PRKN: variants seen among roughly 807,000 people sequenced by gnomAD.
PRKN encodes E3 ubiquitin-protein ligase parkin.
In PRKN, 56 loss-of-function variants were observed where a neutral mutation model predicts 59.5. The observed-to-expected ratio is 0.94, with a 90% CI of 0.76 to 1.18. The LOEUF (loss-of-function observed/expected upper bound fraction) is 1.18, where lower values mean the gene tolerates loss of function less well. PRKN is among the 50% of genes most tolerant of loss of function. The pLI is 0.00. For synonymous variants in PRKN, 250 were observed against 222.1 expected (o/e 1.13, Z -1.12); for missense variants, 657 against 596.4 (o/e 1.10, Z -1.06).
chr6:162,603,733 T>C (rs1047392467), intron 1 of PRKN, among the ~76,000 whole-genome samples: 2 of 152,198 alleles, frequency 1.3e-5, no homozygotes, highest in African/African-American at 2.4e-5. Context: ...CTGAGATGTA[T>C]AAAATTCATG....
intron 9 of PRKN, among the ~76,000 whole-genome samples, chr6:161,434,433 C>T (rs1168692560): frequency 1.3e-5 from 2 of 152,138 alleles, no homozygotes; most frequent in Non-Finnish European, 2.9e-5. Context: ...TAAGTTTCTG[C>T]TTTGCACCCA....
At position 161,561,395 on chromosome 6, in the gene PRKN, G is replaced by A. The variant is rs1027158256; in HGVS notation, c.933+7960C>T. Among the ~76,000 whole-genome samples the A allele has an allele frequency of 1.3e-5, 2 of 152,162 alleles. No individual in the cohort carries two copies. The highest frequency in any genetic ancestry group is 2.9e-5 in the Non-Finnish European group (2 of 68,028). On this transcript the variant is annotated intron_variant, in intron 8 of 11. Coordinates refer to ENST00000366898, the MANE Select transcript of PRKN (RefSeq NM_004562.3). The surrounding 1 kb of genome is among the most constrained non-coding windows in gnomAD (Gnocchi z 5.0). Reference sequence around the variant, plus strand: ...CATCCATACTTTATATTTCACTGAGGAGAGAGGAATCATGGCTGATGTCCT... The same window carrying A: ...CATCCATACTTTATATTTCACTGAGAAGAGAGGAATCATGGCTGATGTCCT...
intron 1 of PRKN, among the ~76,000 whole-genome samples, chr6:162,624,114 G>A (rs963005232): frequency 1.3e-5 from 2 of 151,982 alleles, no homozygotes; most frequent in African/African-American, 4.8e-5. Context: ...TGGGCATGGT[G>A]CCGCATCCCT....
At chr6:162,588,530 C>T (rs1781163067) in intron 1 of PRKN, among the ~76,000 whole-genome samples, 1 of 152,076 alleles carries the variant, frequency 6.6e-6, no homozygotes, top group Non-Finnish European at 1.5e-5. Context: ...TGCGGTCCTG[C>T]TTTGCTTTAT....
chr6:162,124,030 G>A (rs375765671), intron 4 of PRKN, among the ~76,000 whole-genome samples: 14 of 152,054 alleles, frequency 9.2e-5, no homozygotes, highest in East Asian at 7.7e-4. Flanking sequence ...CACACAACCC[G>A]AGCAACAATT....
intron 2 of PRKN, among the ~76,000 whole-genome samples, chr6:162,418,223 ACATT>A (rs1788746210): frequency 6.6e-6 from 1 of 152,196 alleles, no homozygotes; most frequent in African/African-American, 2.4e-5. Context: ...AAACTTGAAA[ACATT>A]GTACTAAGTG....
intron 4 of PRKN, among the ~76,000 whole-genome samples, chr6:162,161,723 A>G (rs2128316853): frequency 6.6e-6 from 1 of 152,280 alleles, no homozygotes; most frequent in African/African-American, 2.4e-5. Flanking sequence ...ACTACGTCAC[A>G]ATGCCTGGGC....
chr6:161,541,579 G>T (rs1779616182), intron 9 of PRKN, among the ~76,000 whole-genome samples: 1 of 152,188 alleles, frequency 6.6e-6, no homozygotes, highest in African/African-American at 2.4e-5. Flanking sequence ...CCAGCACTTT[G>T]GGAGGCTGAG....
chr6:161,726,283 A>T (rs1022273623), intron 7 of PRKN, among the ~76,000 whole-genome samples: 2 of 152,240 alleles, frequency 1.3e-5, no homozygotes, highest in African/African-American at 4.8e-5. Context: ...ACTGTTAAGA[A>T]TTCTGAGGAC....
chr6:161,875,635 C>G (rs934614986), intron 6 of PRKN, among the ~76,000 whole-genome samples: 1 of 152,072 alleles, frequency 6.6e-6, no homozygotes, highest in African/African-American at 2.4e-5. Flanking sequence ...GAATGGGGAT[C>G]TGATGAGAGA....
At position 161,552,860 on chromosome 6, in the gene PRKN, G is replaced by A. The variant is rs1040787551; in HGVS notation, c.934-3857C>T. Among the ~76,000 whole-genome samples, 3 of 149,010 alleles carry A rather than the reference G, an allele frequency of 2.0e-5. No homozygotes were observed. The highest frequency in any genetic ancestry group is 2.1e-4 in the South Asian group (1 of 4,686). On this transcript the variant is annotated intron_variant, in intron 8 of 11. Coordinates refer to ENST00000366898, the MANE Select transcript of PRKN (RefSeq NM_004562.3). This position sits in a 1 kb window ranked among gnomAD's most constrained non-coding sequence, Gnocchi z 4.9. ...GGCTGGAGTACAGTGGCGCAATCTCGGCTCACTGCAACCTTCATCTCTTGG... is the reference window on the plus strand; with the variant it reads ...GGCTGGAGTACAGTGGCGCAATCTCAGCTCACTGCAACCTTCATCTCTTGG...
chr6:161,694,297 TGTATACTGA>T (rs1334579257), intron 7 of PRKN, among the ~76,000 whole-genome samples: 1 of 152,216 alleles, frequency 6.6e-6, no homozygotes, highest in Non-Finnish European at 1.5e-5. Flanking sequence ...GTGGATCAAC[TGTATACTGA>T]GTCTGACTAG....
rs1410350633 is a variant in PRKN at position 161,440,159 on chromosome 6, T to G, written c.1084-53282A>C. ...TAGTAGAGACGGGGTTTCACCGTGT[T>G]AGCCAGGATGCTCTCCATCTCCTGA... On this transcript the variant is annotated intron_variant, in intron 9 of 11. Transcript: ENST00000366898. This position sits in a 1 kb window ranked among gnomAD's most constrained non-coding sequence, Gnocchi z 4.1. Among the ~76,000 whole-genome samples the G allele has an allele frequency of 6.6e-6, 1 of 152,068 alleles. No individual in the cohort carries two copies. The highest frequency in any genetic ancestry group is 2.4e-5 in the African/African-American group (1 of 41,406).
chr6:161,605,053 A>T (rs1298146143), intron 7 of PRKN, among the ~76,000 whole-genome samples: 3 of 152,204 alleles, frequency 2.0e-5, no homozygotes, highest in Admixed American at 6.5e-5. Flanking sequence ...TTAGAATAAA[A>T]TACAGATTTA....
intron 6 of PRKN, among the ~76,000 whole-genome samples, chr6:161,911,700 A>G (rs1778367968): frequency 6.6e-6 from 1 of 152,230 alleles, no homozygotes. Flanking sequence ...GAAATGTAGT[A>G]TATCATAAAA....
At chr6:161,406,804 AC>A (rs1787298639) in intron 9 of PRKN, among the ~76,000 whole-genome samples, 1 of 152,154 alleles carries the variant, frequency 6.6e-6, no homozygotes, top group Non-Finnish European at 1.5e-5. Context: ...CAATCATGTT[AC>A]CACAATCTGG....
chr6:162,255,921 C>T (rs1368576233), intron 3 of PRKN, among the ~76,000 whole-genome samples: 1 of 152,152 alleles, frequency 6.6e-6, no homozygotes, highest in African/African-American at 2.4e-5. Flanking sequence ...TCCCTTCTTA[C>T]AGGAAGCAAA....
At chr6:161,865,027 A>G (rs1307170876) in intron 6 of PRKN, among the ~76,000 whole-genome samples, 1 of 152,150 alleles carries the variant, frequency 6.6e-6, no homozygotes, top group Non-Finnish European at 1.5e-5. Context: ...TTAAATTGCA[A>G]TTCTTAGAAG....
chr6:161,953,880 C>T (rs929246950), intron 6 of PRKN, among the ~76,000 whole-genome samples: 20 of 152,108 alleles, frequency 1.3e-4, no homozygotes, highest in African/African-American at 3.9e-4. Context: ...CAGAATGGGG[C>T]GCACCTAGGA....
Sources: allele counts gnomAD v4.1 joint callset (sites outside exome capture counted in the v4.1 genomes callset), GRCh38; gene constraint gnomAD v4.1.1; non-coding constraint Gnocchi (gnomAD v3.1); transcripts MANE v1.5; gene names NCBI Gene and HGNC (gene_info 2026-07-23, HGNC 2026-07-21).